The following NTRK2 variants were observed in gnomAD, a reference collection of about 807,000 sequenced individuals.
The protein encoded by NTRK2 is neurotrophic receptor tyrosine kinase 2, also known as BDNF/NT-3 growth factors receptor.
A neutral mutation model predicts 94.5 loss-of-function variants in NTRK2; 13 were observed. The observed-to-expected ratio is 0.14, with a 90% CI of 0.09 to 0.22. The LOEUF (loss-of-function observed/expected upper bound fraction) is 0.22, where lower values mean the gene tolerates loss of function less well. NTRK2 is among the 10% of genes least tolerant of loss of function. The pLI is 1.00. For missense variants in NTRK2, 639 were observed against 1,071.2 expected, an observed-to-expected ratio of 0.60 and a Z score of 5.63; for synonymous variants, 372 against 407.4, an observed-to-expected ratio of 0.91 and a Z score of 1.05.
At chr9:85,012,785 G>A (rs1055747996) in intron 17 of NTRK2, among the ~76,000 whole-genome samples, 4 of 152,126 alleles carry the variant, frequency 2.6e-5, no homozygotes, top group African/African-American at 4.8e-5. Context: ...GAATCCAGGT[G>A]TCAGGAGATA....
chr9:84,891,241 T>TA (rs968992336), intron 14 of NTRK2, among the ~76,000 whole-genome samples: 2 of 151,304 alleles, frequency 1.3e-5, no homozygotes, highest in Non-Finnish European at 2.9e-5. Context: ...AGCTTTTTTT[T>TA]AAAAAAAGTG....
intron 13 of NTRK2, among the ~76,000 whole-genome samples, chr9:84,863,452 T>G (rs1483193885): frequency 6.6e-6 from 1 of 152,234 alleles, no homozygotes; most frequent in African/African-American, 2.4e-5. Flanking sequence ...ATAATACATT[T>G]TTTCAAGTCC....
At chr9:84,752,827 C>T (rs1341102270) in intron 12 of NTRK2, among the ~76,000 whole-genome samples, 1 of 152,026 alleles carries the variant, frequency 6.6e-6, no homozygotes, top group African/African-American at 2.4e-5. Flanking sequence ...GATAATATGC[C>T]AGTGTTGTAT....
At chr9:85,008,079 C>A (rs1046446609) in intron 17 of NTRK2, among the ~76,000 whole-genome samples, 3 of 152,046 alleles carry the variant, frequency 2.0e-5, no homozygotes, top group Non-Finnish European at 4.4e-5. Context: ...TTGCAGTCTT[C>A]TTCCATGTGA....
At chr9:84,786,331 A>G (rs2068106259) in intron 12 of NTRK2, among the ~76,000 whole-genome samples, 1 of 152,166 alleles carries the variant, frequency 6.6e-6, no homozygotes, top group Non-Finnish European at 1.5e-5. Context: ...TGAGTTAAAC[A>G]ATGAGACTGA....
intron 14 of NTRK2, among the ~76,000 whole-genome samples, chr9:84,889,748 C>T (rs1422855696): frequency 1.3e-5 from 2 of 152,246 alleles, no homozygotes; most frequent in East Asian, 3.8e-4. Context: ...CATCACATAT[C>T]ATTGGTGGCA....
intron 14 of NTRK2, among the ~76,000 whole-genome samples, chr9:84,878,484 AT>A (rs1361683052): frequency 1.3e-5 from 2 of 151,842 alleles, no homozygotes; most frequent in African/African-American, 4.8e-5. Flanking sequence ...AAATACAAAA[AT>A]TAGCTGGGCA....
intron 12 of NTRK2, among the ~76,000 whole-genome samples, chr9:84,776,216 AT>A (rs2067026805): frequency 6.6e-6 from 1 of 151,676 alleles, no homozygotes. Flanking sequence ...AAGCTTTGTT[AT>A]TTATTTATTT....
rs1832803233 is a variant in NTRK2, at chr9:85,021,938, TACAGATATCG to T, written c.*503_*512del. 1 of 255,526 alleles carries T rather than the reference TACAGATATCG, an allele frequency of 3.9e-6. No individual in the cohort carries two copies. The allele number at this position is 255,526 out of a possible 1,614,324, so 15.8% of individuals were successfully genotyped here. A position where few individuals can be genotyped will look rare whatever the true frequency, so the allele number is the denominator to read the frequency against. On this transcript the variant is annotated 3_prime_UTR_variant, in exon 19 of 19. Transcript: ENST00000277120. ...CACTTAAACTTTGTCACTTCTGCTGTACAGATATCGAGAGTTTCTATGGATTCACTTCTAT... is the reference window on the plus strand; with the variant it reads ...CACTTAAACTTTGTCACTTCTGCTGTAGAGTTTCTATGGATTCACTTCTAT...
intron 12 of NTRK2, among the ~76,000 whole-genome samples, chr9:84,787,631 C>G (rs896070825): frequency 2.6e-5 from 4 of 152,114 alleles, no homozygotes; most frequent in African/African-American, 7.2e-5. Flanking sequence ...CAGGCAAAAC[C>G]CTCATTTTCA....
chr9:84,812,311 A>G (rs199620433), intron 12 of NTRK2: 16 of 1,057,264 alleles, frequency 1.5e-5, no homozygotes, highest in South Asian at 4.6e-5. Context: ...ACAGAATCCT[A>G]TGGATTGCAG....
chr9:84,670,550 A>C lies in NTRK2; in HGVS notation c.-199A>C. 4 of 603,798 alleles carry C rather than the reference A, an allele frequency of 6.6e-6. No homozygotes were observed. Among genetic ancestry groups the C allele is most frequent in the African/African-American group, 1.8e-5 (1 of 54,280 alleles). The allele number at this position is 603,798 out of a possible 1,614,324, so 37.4% of individuals were successfully genotyped here. ...TAAAGCGGTTCGCTATGCCGGGGCC[A>C]CTGTGAACCCTGCCGCCTGCCGGAA... On this transcript the variant is annotated 5_prime_UTR_variant, in exon 2 of 19. Transcript: ENST00000277120.
chr9:84,871,720 G>T, intron 14 of NTRK2: 1 of 1,310,998 alleles, frequency 7.6e-7, no homozygotes, highest in South Asian at 1.2e-5. Flanking sequence ...CAGGATTGTA[G>T]AGCAATCTGA....
intron 12 of NTRK2, among the ~76,000 whole-genome samples, chr9:84,780,741 C>G (rs1038959442): frequency 2.6e-5 from 4 of 152,172 alleles, no homozygotes; most frequent in African/African-American, 4.8e-5. Flanking sequence ...GGTGCTAGAC[C>G]TCACTGGTCC....
At chr9:84,872,740 G>A in intron 14 of NTRK2, 2 of 1,064,890 alleles carry the variant, frequency 1.9e-6, no homozygotes, top group Non-Finnish European at 2.3e-6. Context: ...GTGTGCATAT[G>A]TGTTTTCCTA....
At chr9:84,950,728 CTG>C (rs2078752174) in intron 16 of NTRK2, among the ~76,000 whole-genome samples, 1 of 152,152 alleles carries the variant, frequency 6.6e-6, no homozygotes, top group African/African-American at 2.4e-5. Flanking sequence ...GTTTCCTTAC[CTG>C]TGAAAGGGGT....
chr9:84,843,145 C>G (rs1587632941), intron 12 of NTRK2, among the ~76,000 whole-genome samples: 1 of 152,162 alleles, frequency 6.6e-6, no homozygotes, highest in Admixed American at 6.6e-5. Flanking sequence ...GTATAAAGAA[C>G]TCAGTAGGTG....
intron 15 of NTRK2, among the ~76,000 whole-genome samples, chr9:84,935,906 G>C (rs2078199147): frequency 6.6e-6 from 1 of 151,802 alleles, no homozygotes; most frequent in Non-Finnish European, 1.5e-5. Context: ...CTCTATTTTT[G>C]TAAATTCATA....
At chr9:84,811,723 T>C in intron 12 of NTRK2, 1 of 1,065,636 alleles carries the variant, frequency 9.4e-7, no homozygotes, top group Non-Finnish European at 1.1e-6. Context: ...CTAATGAATA[T>C]ATGCTTTATA....
Sources: gnomAD v4.1 joint callset for allele counts (sites outside exome capture counted in the v4.1 genomes callset) on GRCh38, gnomAD v4.1.1 for gene constraint, MANE v1.5 for transcripts, NCBI Gene and HGNC (gene_info 2026-07-23, HGNC 2026-07-21) for gene names.